Variants in SMG6 observed in about 807,000 individuals in gnomAD.
The protein encoded by SMG6 is telomerase-binding protein EST1A.
In SMG6, 66 loss-of-function variants were observed where a neutral mutation model predicts 142.2. The ratio of observed to expected loss-of-function variants is 0.46; its 90% confidence interval spans 0.38 to 0.57. SMG6 has a LOEUF of 0.57. Among genes scored for constraint, SMG6 ranks in the 20% least tolerant of loss-of-function variants. The pLI is 0.00. For missense variants in SMG6, 1,793 were observed against 1,832.0 expected, an observed-to-expected ratio of 0.98 and a Z score of 0.39; for synonymous variants, 779 against 702.4, an observed-to-expected ratio of 1.11 and a Z score of -1.72.
chr17:2,239,347 T>A (rs905189823), intron 9 of SMG6, among the ~76,000 whole-genome samples: 2 of 152,100 alleles, frequency 1.3e-5, no homozygotes, highest in African/African-American at 2.4e-5. Flanking sequence ...AACAGCAGTC[T>A]CAGCAATAAA....
intron 8 of SMG6, among the ~76,000 whole-genome samples, chr17:2,248,487 ATCCT>A: frequency 6.6e-6 from 1 of 152,322 alleles, no homozygotes; most frequent in Admixed American, 6.5e-5. Context: ...CTTCACAAAC[ATCCT>A]TCCCTTAGGG....
intron 10 of SMG6, among the ~76,000 whole-genome samples, chr17:2,229,665 T>C (rs1379142576): frequency 6.6e-6 from 1 of 152,228 alleles, no homozygotes; most frequent in Non-Finnish European, 1.5e-5. Flanking sequence ...GAGTCATTGC[T>C]GTGGTTGTCA....
intron 6 of SMG6, among the ~76,000 whole-genome samples, chr17:2,290,379 C>G (rs2075003917): frequency 6.6e-6 from 1 of 152,178 alleles, no homozygotes; most frequent in African/African-American, 2.4e-5. Flanking sequence ...GTCATTTCAA[C>G]AAATGGTGCT....
chr17:2,263,604 CA>C (rs1244124091), intron 8 of SMG6, among the ~76,000 whole-genome samples: 3 of 152,050 alleles, frequency 2.0e-5, no homozygotes, highest in African/African-American at 7.2e-5. Context: ...ATCAGAAAGA[CA>C]GAGGGTACAG....
intron 8 of SMG6, among the ~76,000 whole-genome samples, chr17:2,266,482 C>CA (rs1194219163): frequency 1.3e-5 from 2 of 152,090 alleles, no homozygotes; most frequent in East Asian, 1.9e-4. Flanking sequence ...ACACAATACA[C>CA]AAAAAATAAA....
chr17:2,130,832 C>A lies in SMG6; in HGVS notation c.3357+41826G>T, dbSNP rs372020909. Among the ~76,000 whole-genome samples the A allele has an allele frequency of 2.2e-4, 34 of 151,790 alleles. No homozygotes were observed. The East Asian group carries it at 4.5e-3, about 20-fold the overall frequency. Reference sequence around the variant, plus strand: ...CCAGCCTGGCCAACATGGTGAAACCCGTCTCTACTAAAAATACAAAAATTA... The same window carrying A: ...CCAGCCTGGCCAACATGGTGAAACCAGTCTCTACTAAAAATACAAAAATTA... On this transcript the variant is annotated intron_variant, in intron 13 of 18. Transcript: ENST00000263073.
rs1397839262 is a variant in SMG6 at position 2,255,605 on chromosome 17, T to G, written c.2662-10886A>C. 3 of 156,986 alleles carry G rather than the reference T, an allele frequency of 1.9e-5. No individual in the cohort carries two copies. The East Asian group carries it at 5.6e-4, about 29-fold the overall frequency. 9.7% of individuals were successfully genotyped at this position (156,986 alleles called of 1,614,324 possible). Reference sequence around the variant, plus strand: ...CCGGCCAGCCGCCCCGTCCGGGAGGTGGGGGGCACCTCTGCCCGGCCGCCC... The same window carrying G: ...CCGGCCAGCCGCCCCGTCCGGGAGGGGGGGGGCACCTCTGCCCGGCCGCCC... On this transcript the variant is annotated intron_variant, in intron 8 of 18. Transcript: ENST00000263073.
At chr17:2,300,689 G>C in intron 1 of SMG6, 25 bp from the exon 2 acceptor site, 1 of 1,535,942 alleles carries the variant, frequency 6.5e-7, no homozygotes, top group Non-Finnish European at 8.7e-7. Flanking sequence ...AAAGAGTTTG[G>C]GAGGGAAAGG....
At chr17:2,272,661 G>A (rs991953866) in intron 8 of SMG6, among the ~76,000 whole-genome samples, 4 of 152,126 alleles carry the variant, frequency 2.6e-5, no homozygotes, top group African/African-American at 4.8e-5. Flanking sequence ...GTCCTTGGCC[G>A]GGCACGGTGG....
In SMG6 at chr17:2,172,714, C is replaced by G. The variant is rs758087131; in HGVS notation, c.3301G>C (p.Val1101Leu). 1.9e-6 allele frequency: 3 copies of G among 1,614,110 alleles called. No homozygotes were observed. Among genetic ancestry groups the G allele is most frequent in the Non-Finnish European group, 2.5e-6 (3 of 1,180,020 alleles). Residue 1101 changes from valine to leucine, a missense_variant, in exon 13 of 19, where the codon GTC becomes CTC. Val to Leu is a conservative substitution (Grantham distance 32). Coordinates refer to ENST00000263073, the MANE Select transcript of SMG6 (RefSeq NM_017575.5). The part of the protein sequence containing the change: ...LEEDRLLSGF[V>L]PLLAAPQDPC... ...TCCTGAGGGGCAGCCAGCAAGGGGACAAAGCCCGAGAGAAGCCGATCCTCT... is the reference window on the plus strand; with the variant it reads ...TCCTGAGGGGCAGCCAGCAAGGGGAGAAAGCCCGAGAGAAGCCGATCCTCT...
intron 14 of SMG6, among the ~76,000 whole-genome samples, chr17:2,083,754 G>A (rs959617269): frequency 1.3e-5 from 2 of 152,232 alleles, no homozygotes; most frequent in African/African-American, 2.4e-5. Context: ...GGATATACAA[G>A]GTTATCACGG....
chr17:2,113,013 T>C (rs1454512407), intron 13 of SMG6, among the ~76,000 whole-genome samples: 1 of 152,014 alleles, frequency 6.6e-6, no homozygotes, highest in African/African-American at 2.4e-5. Flanking sequence ...TGGCCTCAGC[T>C]TCCCAAAGTG....
At chr17:2,215,176 C>A (rs1370626470) in intron 10 of SMG6, among the ~76,000 whole-genome samples, 1 of 152,016 alleles carries the variant, frequency 6.6e-6, no homozygotes, top group Non-Finnish European at 1.5e-5. Context: ...TGAAGAGTGG[C>A]TGCTGATGCA....
chr17:2,173,060 A>C, intron 12 of SMG6: 1 of 591,238 alleles, frequency 1.7e-6, no homozygotes, highest in Non-Finnish European at 3.0e-6. Context: ...GGATTTATGC[A>C]AAGTTGAAAT....
At chr17:2,211,666 T>TAA (rs58516730) in intron 10 of SMG6, among the ~76,000 whole-genome samples, 47,735 of 134,820 alleles carry the variant, frequency 0.35, 8,545 homozygotes, top group African/African-American at 0.4. Context: ...TCCATCTAAT[T>TAA]AAAAAAAAAA....
intron 10 of SMG6, among the ~76,000 whole-genome samples, chr17:2,192,489 G>A (rs2072194254): frequency 6.6e-6 from 1 of 152,184 alleles, no homozygotes; most frequent in African/African-American, 2.4e-5. Context: ...TTCCAGCCCA[G>A]AGAACCAACT....
At chr17:2,108,817 G>A (rs191626664) in intron 13 of SMG6, among the ~76,000 whole-genome samples, 103 of 151,948 alleles carry the variant, frequency 6.8e-4, no homozygotes, top group African/African-American at 2.2e-3. Context: ...GGTGGCGGGC[G>A]CCTGTAATCG....
chr17:2,065,960 G>C (rs2067930646), intron 16 of SMG6: 2 of 495,422 alleles, frequency 4.0e-6, no homozygotes, highest in Admixed American at 3.3e-5. Flanking sequence ...TTTAGAGGAA[G>C]AAATCTGGTC....
At chr17:2,256,231 G>A (rs180979896) in intron 8 of SMG6, 4 of 152,348 alleles carry the variant, frequency 2.6e-5, no homozygotes, top group East Asian at 3.9e-4. Flanking sequence ...AAAACTTAGG[G>A]TTTTTTTGAG....
Sources: gnomAD v4.1 joint callset for allele counts (sites outside exome capture counted in the v4.1 genomes callset) on GRCh38, gnomAD v4.1.1 for gene constraint, MANE v1.5 for transcripts, NCBI Gene and HGNC (gene_info 2026-07-23, HGNC 2026-07-21) for gene names.